The following ICE2 variants were observed in gnomAD, a reference collection of about 807,000 sequenced individuals.
ICE2 encodes the protein little elongation complex subunit 2.
In ICE2, 87 loss-of-function variants were observed where a neutral mutation model predicts 105.4. That is an observed-to-expected ratio of 0.83 (90% CI 0.69 to 0.99). The LOEUF (loss-of-function observed/expected upper bound fraction) is 0.99, where lower values mean the gene tolerates loss of function less well. Ranked by LOEUF, ICE2 falls within the 50% of genes least tolerant of loss-of-function variation. The pLI, the probability that ICE2 is intolerant of heterozygous loss-of-function variation, is 0.00. For missense variants in ICE2, 1,323 were observed against 1,146.7 expected (o/e 1.15, Z -2.22); for synonymous variants, 399 against 392.0 (o/e 1.02, Z -0.21).
At chr15:60,454,883 G>A in intron 8 of ICE2, 120 bp downstream of exon 8, 1 of 850,866 alleles carries the variant, frequency 1.2e-6, no homozygotes, top group African/African-American at 1.8e-5. Flanking sequence ...AGGCCCCGGT[G>A]TGTGTTGTTT....
intron 15 of ICE2, among the ~76,000 whole-genome samples, 162 bp downstream of exon 15, chr15:60,428,267 C>A (rs903670281): frequency 6.6e-5 from 10 of 152,206 alleles, no homozygotes; most frequent in Admixed American, 1.3e-4. Flanking sequence ...GAAGACTGGA[C>A]TCACCATGGC....
intron 5 of ICE2, among the ~76,000 whole-genome samples, chr15:60,462,633 A>AATCTTACATAT (rs1482083182): frequency 6.6e-6 from 1 of 152,192 alleles, no homozygotes; most frequent in African/African-American, 2.4e-5. Flanking sequence ...TATACAAAGA[A>AATCTTACATAT]ATCTTACATA....
chr15:60,478,990 C>G lies in ICE2; in HGVS notation c.-93+13G>C, dbSNP rs778142979. Reference sequence around the variant, plus strand: ...CGTCCGCGTCTGGGCTGCAACACAGCCTTTCCGCCCACCTCATGGTCCGCG... The same window carrying G: ...CGTCCGCGTCTGGGCTGCAACACAGGCTTTCCGCCCACCTCATGGTCCGCG... On this transcript the variant is annotated intron_variant, in intron 1 of 15. Transcript: ENST00000261520. 1.0e-4 allele frequency: 46 copies of G among 455,856 alleles called. No individual in the cohort carries two copies. Among genetic ancestry groups the G allele is most frequent in the Admixed American group, 4.7e-5 (2 of 42,556 alleles). The allele number at this position is 455,856 out of a possible 1,614,324, so 28.2% of individuals were successfully genotyped here.
intron 12 of ICE2, chr15:60,437,954 A>C (rs2063633345): frequency 6.6e-6 from 1 of 152,046 alleles, no homozygotes; most frequent in African/African-American, 2.4e-5. Context: ...GAGTAACGGC[A>C]CCCGGCTCCG....
chr15:60,477,388 A>G (rs542033612), intron 2 of ICE2, among the ~76,000 whole-genome samples: 1 of 152,326 alleles, frequency 6.6e-6, no homozygotes, highest in East Asian at 1.9e-4. Flanking sequence ...CATTTATAAC[A>G]TTTGATCCTC....
In ICE2 at chr15:60,468,192, G is replaced by C; in HGVS notation, c.277C>G (p.Pro93Ala). ...GAGAAACGAGAGAAACGAGGATAAG[G>C]AACTCTTGGTTTTGGAAGAAGAACC... ...GMVLLPKPRV[P>A]YPRFSRFSQR... Residue 93 changes from proline (P) to alanine (A), a missense_variant, in exon 4 of 16, where the codon CCT (proline) becomes GCT (alanine). Pro to Ala is a conservative substitution (Grantham distance 27, BLOSUM62 -1). Transcript: ENST00000261520. 6.2e-7 allele frequency: 1 copy of C among 1,614,046 alleles called. No individual in the cohort carries two copies. Among genetic ancestry groups the C allele is most frequent in the East Asian group, 2.2e-5 (1 of 44,842 alleles).
chr15:60,463,323 C>T (rs1224959434), intron 5 of ICE2, among the ~76,000 whole-genome samples: 3 of 151,974 alleles, frequency 2.0e-5, no homozygotes, highest in Non-Finnish European at 2.9e-5. Context: ...ACCCAAGTTC[C>T]GATCAACAGG....
rs575289762 is a variant in ICE2 at position 60,428,474 on chromosome 15, A to T, written c.2775T>A (p.Pro925=). 2.5e-6 allele frequency: 4 copies of T among 1,613,964 alleles called. No individual in the cohort carries two copies. In the Admixed American group the frequency reaches 6.7e-5, roughly 27 times the overall value. ...CCAGTGATTTCGGTGGAAAAGTACA[A>T]GGTATTCTTCCATGATGGATATGAT... The part of the protein sequence containing the change: ...LPYHIHHGRI[P]CTFPPKSLDT... Residue 925 remains proline, a synonymous_variant, in exon 15 of 16, where the codon CCT becomes CCA. Transcript: ENST00000261520.
intron 13 of ICE2, among the ~76,000 whole-genome samples, chr15:60,435,804 C>G (rs368768166): frequency 6.6e-6 from 1 of 151,952 alleles, no homozygotes; most frequent in Non-Finnish European, 1.5e-5. Flanking sequence ...AGTGAAACCC[C>G]GTCTCCACAA....
intron 3 of ICE2, among the ~76,000 whole-genome samples, chr15:60,469,455 A>C (rs115354562): frequency 2.6e-5 from 4 of 152,146 alleles, no homozygotes; most frequent in Non-Finnish European, 5.9e-5. Context: ...TTAAAAAAAA[A>C]CAAAAAACAA....
chr15:60,464,174 T>A (rs1240823374), intron 5 of ICE2, among the ~76,000 whole-genome samples: 1 of 152,142 alleles, frequency 6.6e-6, no homozygotes, highest in East Asian at 1.9e-4. Context: ...TGCTGCCACA[T>A]CAATATGGAA....
intron 2 of ICE2, among the ~76,000 whole-genome samples, chr15:60,476,907 T>A (rs1351917896): frequency 6.6e-6 from 1 of 152,204 alleles, no homozygotes; most frequent in South Asian, 2.1e-4. Flanking sequence ...AAACCACAAC[T>A]AGTTCCACAA....
rs1453009387 is a variant in ICE2 at position 60,468,164 on chromosome 15, TGTGAGAAAC to T, written c.296_304del (p.Arg99_Ser101del). 2 of 1,613,944 alleles carry T rather than the reference TGTGAGAAAC, an allele frequency of 1.2e-6. No individual in the cohort carries two copies. Among genetic ancestry groups the T allele is most frequent in the Non-Finnish European group, 1.7e-6 (2 of 1,179,948 alleles). On this transcript the variant is annotated inframe_deletion, in exon 4 of 16. Coordinates refer to ENST00000261520, the MANE Select transcript of ICE2 (RefSeq NM_024611.6). ...GTCCACATAACTCCTCTGCTCTCTC[TGTGAGAAAC>T]GAGAGAAACGAGGATAAGGAACTCT...
In ICE2 at chr15:60,448,878, A is replaced by C; in HGVS notation, c.2089T>G (p.Trp697Gly). 1 of 1,599,400 alleles carries C rather than the reference A, an allele frequency of 6.3e-7. No homozygotes were observed. Among genetic ancestry groups the C allele is most frequent in the Non-Finnish European group, 8.5e-7 (1 of 1,175,490 alleles). ...SDSSSWPKSG[W>G]PSAFQKPKGR... The stretch of plus-strand genomic sequence containing the variant: ...TTTGGCTTCTGAAATGCAGAAGGCC[A>C]TCCAGATTTCGGCCAACTAGAGGAG... The change falls in exon 10 of 16, where the codon TGG becomes GGG. Residue 697 changes from tryptophan (W) to glycine (G), a missense_variant. Transcript: ENST00000261520.
At chr15:60,461,773 CAT>C (rs1254194851) in intron 5 of ICE2, among the ~76,000 whole-genome samples, 1 of 152,102 alleles carries the variant, frequency 6.6e-6, no homozygotes, top group Non-Finnish European at 1.5e-5. Context: ...AACCCAGGAG[CAT>C]CCATAGTGCC....
chr15:60,423,481 T>A lies in ICE2; in HGVS notation c.*153A>T. 1 of 572,326 alleles carries A rather than the reference T, an allele frequency of 1.7e-6. No homozygotes were observed. The highest frequency in any genetic ancestry group is 2.9e-6 in the Non-Finnish European group (1 of 343,254). 35.5% of individuals were successfully genotyped at this position (572,326 alleles called of 1,614,324 possible). On this transcript the variant is annotated 3_prime_UTR_variant, in exon 16 of 16. Coordinates refer to ENST00000261520, the MANE Select transcript of ICE2 (RefSeq NM_024611.6). Reference sequence around the variant, plus strand: ...GCATACCATTCCATTTTAGTTGAAATATTCCTTCACATAGCCAACACATTT... The same window carrying A: ...GCATACCATTCCATTTTAGTTGAAAAATTCCTTCACATAGCCAACACATTT...
At chr15:60,472,234 G>A (rs897886677) in intron 3 of ICE2, among the ~76,000 whole-genome samples, 15 of 151,714 alleles carry the variant, frequency 9.9e-5, no homozygotes, top group Middle Eastern at 3.4e-3. Flanking sequence ...AACACTATTC[G>A]AGTTGTTCTT....
At position 60,448,845 on chromosome 15, in the gene ICE2, T is replaced by G. The variant is rs2063886966; in HGVS notation, c.2119+3A>C. 6.4e-7 allele frequency: 1 copy of G among 1,571,790 alleles called. No homozygotes were observed. Among genetic ancestry groups the G allele is most frequent in the Non-Finnish European group, 8.6e-7 (1 of 1,164,894 alleles). On this transcript the variant is annotated splice_donor_region_variant and intron_variant, in intron 10 of 15. Transcript: ENST00000261520. Reference sequence around the variant, plus strand: ...TGTAAGCTCTTTGTAAATATTTACTTACGTCCTTTTGGCTTCTGAAATGCA... The same window carrying G: ...TGTAAGCTCTTTGTAAATATTTACTGACGTCCTTTTGGCTTCTGAAATGCA...
intron 15 of ICE2, among the ~76,000 whole-genome samples, chr15:60,427,054 A>T (rs2063353056): frequency 6.6e-6 from 1 of 152,188 alleles, no homozygotes; most frequent in Admixed American, 6.5e-5. Context: ...TTCTTGGCCA[A>T]AGCTAAGTAG....
Sources: gnomAD v4.1 joint callset for allele counts (sites outside exome capture counted in the v4.1 genomes callset) on GRCh38, gnomAD v4.1.1 for gene constraint, MANE v1.5 for transcripts, NCBI Gene and HGNC (gene_info 2026-07-23, HGNC 2026-07-21) for gene names.